The following GOLM1 variants were observed in gnomAD, a reference collection of about 807,000 sequenced individuals.
GOLM1 encodes the protein golgi membrane protein 1.
In GOLM1, 31 loss-of-function variants were observed where a neutral mutation model predicts 50.5. The ratio of observed to expected loss-of-function variants is 0.61; its 90% CI spans 0.46 to 0.83. The LOEUF (loss-of-function observed/expected upper bound fraction) is 0.83. Among genes scored for constraint, GOLM1 ranks in the 40% least tolerant of loss-of-function variants. The pLI is 0.00. For missense variants in GOLM1, 491 were observed against 501.3 expected (o/e 0.98, Z 0.20); for synonymous variants, 178 against 192.8 (o/e 0.92, Z 0.64).
chr9:86,054,339 T>C (rs7030772), intron 3 of GOLM1, among the ~76,000 whole-genome samples: 111,851 of 150,398 alleles, frequency 0.74, 42,474 homozygotes, highest in African/African-American at 0.91. Context: ...CGATCTCCGG[T>C]TCACTGCAAC....
chr9:86,032,071 C>G (rs1010861493), intron 9 of GOLM1, among the ~76,000 whole-genome samples: 27 of 151,946 alleles, frequency 1.8e-4, no homozygotes. Flanking sequence ...TGCCACTCTA[C>G]AGAAAACAGA....
intron 3 of GOLM1, among the ~76,000 whole-genome samples, chr9:86,062,729 G>C (rs368411893): frequency 2.1e-5 from 3 of 144,164 alleles, no homozygotes; most frequent in Admixed American, 7.1e-5. Flanking sequence ...AGAAGCAAAC[G>C]GGGGGGGCTG....
chr9:86,037,148 C>G (rs552128516), intron 6 of GOLM1, among the ~76,000 whole-genome samples: 3 of 152,206 alleles, frequency 2.0e-5, no homozygotes, highest in African/African-American at 7.2e-5. Flanking sequence ...GGCGCGGTGG[C>G]GCACACCTGT....
intron 3 of GOLM1, among the ~76,000 whole-genome samples, chr9:86,069,281 C>T (rs534096623): frequency 1.3e-5 from 2 of 152,228 alleles, no homozygotes; most frequent in East Asian, 3.9e-4. Flanking sequence ...TGGAAAGTTA[C>T]TTAACATACA....
intron 3 of GOLM1, among the ~76,000 whole-genome samples, chr9:86,075,069 GC>G (rs1834572046): frequency 2.0e-5 from 3 of 152,120 alleles, no homozygotes; most frequent in Admixed American, 2.0e-4. Context: ...CATAAAAGAG[GC>G]CCCAGAGAGC....
At chr9:86,063,874 A>G (rs924127477) in intron 3 of GOLM1, among the ~76,000 whole-genome samples, 3 of 152,216 alleles carry the variant, frequency 2.0e-5, no homozygotes, top group Non-Finnish European at 4.4e-5. Flanking sequence ...TCCCATTAGG[A>G]ACAGAGATCA....
chr9:86,077,075 C>T (rs1285439606), intron 3 of GOLM1, among the ~76,000 whole-genome samples: 2 of 151,766 alleles, frequency 1.3e-5, no homozygotes, highest in South Asian at 2.1e-4. Flanking sequence ...AAGCACCTGG[C>T]ATAGGCCTGG....
Position 86,027,309 on chromosome 9 carries a change from T to C in GOLM1, c.*508A>G, listed in dbSNP as rs1357451331. ...AACAGTCAGTGCTCTAGGCCATTGA[T>C]TGATTGATTGTCAGAATCAGAAGTG... On this transcript the variant is annotated 3_prime_UTR_variant, in exon 10 of 10. Transcript: ENST00000388712. 6 of 985,964 alleles carry C rather than the reference T, an allele frequency of 6.1e-6. No individual in the cohort carries two copies. The highest frequency in any genetic ancestry group is 5.2e-5 in the African/African-American group (3 of 57,242). The allele number at this position is 985,964 out of a possible 1,614,324, so 61.1% of individuals were successfully genotyped here. A position where few individuals can be genotyped will look rare whatever the true frequency, so the allele number is the denominator to read the frequency against.
chr9:86,045,013 T>C (rs1007724951), intron 5 of GOLM1, among the ~76,000 whole-genome samples: 13 of 152,184 alleles, frequency 8.5e-5, no homozygotes, highest in African/African-American at 2.9e-4. Context: ...ATTATGGCAA[T>C]GGATATTTTT....
chr9:86,078,633 C>T (rs745390090), intron 2 of GOLM1, among the ~76,000 whole-genome samples: 16 of 152,226 alleles, frequency 1.1e-4, no homozygotes, highest in African/African-American at 1.7e-4. Flanking sequence ...GTCAAGAAGA[C>T]GGCTCAGAAG....
chr9:86,046,773 G>C (rs1833559226), intron 4 of GOLM1, among the ~76,000 whole-genome samples: 1 of 152,166 alleles, frequency 6.6e-6, no homozygotes, highest in African/African-American at 2.4e-5. Context: ...TGCTCTGCAA[G>C]AGCAGCAAGC....
chr9:86,082,347 T>C (rs1834810874), intron 1 of GOLM1, among the ~76,000 whole-genome samples: 1 of 150,380 alleles, frequency 6.6e-6, no homozygotes, highest in Admixed American at 6.7e-5. Flanking sequence ...AAAATATCAA[T>C]ACCTGGGCTC....
chr9:86,043,501 A>C (rs145183764), intron 5 of GOLM1, among the ~76,000 whole-genome samples: 1 of 152,202 alleles, frequency 6.6e-6, no homozygotes, highest in Non-Finnish European at 1.5e-5. Context: ...GCAGGTGTCC[A>C]TTTATAAGTT....
intron 3 of GOLM1, among the ~76,000 whole-genome samples, chr9:86,053,218 ACCACT>A (rs1833831460): frequency 1.0e-5 from 1 of 96,874 alleles, no homozygotes; most frequent in African/African-American, 4.0e-5. Context: ...CACACATCAC[ACCACT>A]CCACACCACA....
chr9:86,041,686 C>T (rs187737262), intron 5 of GOLM1, among the ~76,000 whole-genome samples: 2 of 152,212 alleles, frequency 1.3e-5, no homozygotes, highest in Admixed American at 6.5e-5. Context: ...GCGGGTAACC[C>T]TAAAGCTGTA....
At chr9:86,040,939 T>C in intron 5 of GOLM1, 71 bp from the exon 6 acceptor site, 1 of 1,470,830 alleles carries the variant, frequency 6.8e-7, no homozygotes, top group Non-Finnish European at 9.3e-7. Flanking sequence ...TGACATCCAC[T>C]TCCATAAGAG....
At chr9:86,070,360 T>G (rs1587726400) in intron 3 of GOLM1, among the ~76,000 whole-genome samples, 1 of 151,960 alleles carries the variant, frequency 6.6e-6, no homozygotes, top group African/African-American at 2.4e-5. Flanking sequence ...GATCACGAGC[T>G]CAGGAGTTCA....
intron 4 of GOLM1, among the ~76,000 whole-genome samples, chr9:86,047,926 C>G (rs1287370887): frequency 6.6e-6 from 1 of 152,092 alleles, no homozygotes; most frequent in Non-Finnish European, 1.5e-5. Context: ...ATGTGCACAA[C>G]GTGCAGGTTT....
Position 86,095,931 on chromosome 9 carries a change from G to A in GOLM1, c.-22+3480C>T, listed in dbSNP as rs1293258371. Among the ~76,000 whole-genome samples the A allele has an allele frequency of 5.3e-5, 8 of 152,220 alleles. No individual in the cohort carries two copies. The East Asian group carries it at 1.3e-3, about 26-fold the overall frequency. ...TGTGGCTTAGGAAAAGAGTACTGATGTGGGTCAGGCCAAAAGGAATTTTAA... is the reference window on the plus strand; with the variant it reads ...TGTGGCTTAGGAAAAGAGTACTGATATGGGTCAGGCCAAAAGGAATTTTAA... On this transcript the variant is annotated intron_variant, in intron 1 of 9. Transcript: ENST00000388712.
Sources: allele counts gnomAD v4.1 joint callset (sites outside exome capture counted in the v4.1 genomes callset), GRCh38; gene constraint gnomAD v4.1.1; transcripts MANE v1.5; gene names NCBI Gene and HGNC (gene_info 2026-07-23, HGNC 2026-07-21).